Variants in GDAP1 observed in about 807,000 individuals in gnomAD.
The protein encoded by GDAP1 is ganglioside-induced differentiation-associated protein 1.
A neutral mutation model predicts 40.1 loss-of-function variants in GDAP1; 34 were observed. The observed-to-expected ratio is 0.85, with a 90% CI of 0.64 to 1.13. The LOEUF (loss-of-function observed/expected upper bound fraction) is 1.13, where lower values mean the gene tolerates loss of function less well. Ranked by LOEUF, GDAP1 falls within the 50% of genes most tolerant of loss-of-function variation. GDAP1 has a pLI of 0.00. For missense variants in GDAP1, 374 were observed against 433.7 expected (o/e 0.86, Z 1.22); for synonymous variants, 170 against 157.4 (o/e 1.08, Z -0.60).
intron 2 of GDAP1, among the ~76,000 whole-genome samples, chr8:74,421,917 G>A (rs941318697): frequency 4.6e-5 from 7 of 151,992 alleles, no homozygotes; most frequent in Non-Finnish European, 1.0e-4. Flanking sequence ...CAGCATTTTT[G>A]TTTTTATTAT....
At chr8:74,362,421 A>C (rs1488169115) in intron 4 of GDAP1, among the ~76,000 whole-genome samples, 1 of 151,996 alleles carries the variant, frequency 6.6e-6, no homozygotes, top group Non-Finnish European at 1.5e-5. Flanking sequence ...CTCATATTAA[A>C]AGTGTAGAAA....
At chr8:74,406,864 A>G (rs1162038634) in intron 2 of GDAP1, among the ~76,000 whole-genome samples, 2 of 149,918 alleles carry the variant, frequency 1.3e-5, no homozygotes, top group African/African-American at 5.1e-5. Flanking sequence ...TTCCAAAGCT[A>G]GAGGAGGGCT....
intron 2 of GDAP1, among the ~76,000 whole-genome samples, chr8:74,357,427 T>C (rs1809154833): frequency 1.3e-5 from 2 of 152,234 alleles, no homozygotes; most frequent in South Asian, 4.2e-4. Context: ...TACTCAGCAT[T>C]ACAGGGACTT....
At chr8:74,472,283 C>A (rs1254498669) in intron 2 of GDAP1, among the ~76,000 whole-genome samples, 9 of 152,218 alleles carry the variant, frequency 5.9e-5, no homozygotes, top group African/African-American at 1.9e-4. Context: ...CTTTTTATGA[C>A]TGCATAGTAT....
chr8:74,359,959 CT>C (rs1399978644), intron 2 of GDAP1, among the ~76,000 whole-genome samples, 177 bp from the exon 3 acceptor site: 1 of 142,828 alleles, frequency 7.0e-6, no homozygotes, highest in Non-Finnish European at 1.5e-5. Flanking sequence ...GGGATCTTGT[CT>C]GGTGCATCAG....
Position 74,428,870 on chromosome 8 carries a change from C to T in GDAP1, c.166-59808C>T, listed in dbSNP as rs147206484. Among the ~76,000 whole-genome samples the T allele has an allele frequency of 6.6e-3, 943 of 142,626 alleles. 20 individuals are homozygous for T. The highest frequency in any genetic ancestry group is 0.024 in the African/African-American group (904 of 37,730). The allele number at this position is 142,626 out of a possible 152,430, so 93.6% of individuals were successfully genotyped here. On this transcript the variant is annotated intron_variant, in intron 2 of 2. Transcript: ENST00000523640. ...TAATGCTATCCCTCCCCGCCTCCCC[C>T]GACCCCACAACAGGCCCCGGTGTGT...
chr8:74,451,923 CTTAAT>C (rs543598612), intron 2 of GDAP1, among the ~76,000 whole-genome samples: 11,017 of 54,588 alleles, frequency 0.2, 4,126 homozygotes, highest in Middle Eastern at 0.35. Context: ...TCTTTATTTT[CTTAAT>C]TTAATTTAAT....
Position 74,366,689 on chromosome 8 carries a change from G to A in GDAP1, c.*2322G>A, listed in dbSNP as rs1279164371. The A allele has an allele frequency of 2.2e-6, 1 of 452,752 alleles. No homozygotes were observed. Among genetic ancestry groups the A allele is most frequent in the Non-Finnish European group, 4.4e-6 (1 of 226,126 alleles). The allele number at this position is 452,752 out of a possible 1,614,324, so 28.0% of individuals were successfully genotyped here. On this transcript the variant is annotated 3_prime_UTR_variant, in exon 6 of 6. Coordinates refer to ENST00000220822, the MANE Select transcript of GDAP1 (RefSeq NM_018972.4). ...CATAAATACTATTGTTATTGCAGCAGATGCCTTTTGAATCCATTTTCCATA... is the reference window on the plus strand; with the variant it reads ...CATAAATACTATTGTTATTGCAGCAAATGCCTTTTGAATCCATTTTCCATA...
chr8:74,470,300 C>T (rs1450199452), intron 2 of GDAP1, among the ~76,000 whole-genome samples: 11 of 152,126 alleles, frequency 7.2e-5, no homozygotes, highest in Admixed American at 2.6e-4. Context: ...ATGTGCACAA[C>T]GTGCAGGTTG....
intron 2 of GDAP1, among the ~76,000 whole-genome samples, chr8:74,399,483 A>T: frequency 6.8e-6 from 1 of 147,282 alleles, no homozygotes; most frequent in African/African-American, 2.7e-5. Flanking sequence ...AATTTTGTTG[A>T]TCCTTTCAAA....
rs568698577 is a variant in GDAP1, at chr8:74,392,346, A to G, written c.165+41025A>G. 3.9e-5 allele frequency among the ~76,000 whole-genome samples: 6 copies of G among 152,304 alleles called. No individual in the cohort carries two copies. The East Asian group carries it at 1.2e-3, about 29-fold the overall frequency. The stretch of plus-strand genomic sequence containing the variant: ...CATCTTAGTTTGGGATTTTAGCAAG[A>G]ACTATAACAATTTTTGATGTCAATA... On this transcript the variant is annotated intron_variant, in intron 2 of 2. Transcript: ENST00000523640.
Position 74,382,214 on chromosome 8 carries a change from G to C in GDAP1, c.165+30893G>C, listed in dbSNP as rs112955753. On this transcript the variant is annotated intron_variant, in intron 2 of 2. Coordinates refer to the GDAP1 transcript ENST00000523640. ...AAATTGGCTCCTGAGTTCTTTTCTT[G>C]TGCTCATGATATAATTTGATAGCTT... 4.9e-3 allele frequency among the ~76,000 whole-genome samples: 741 copies of C among 152,050 alleles called. 7 individuals carry two copies. The highest frequency in any genetic ancestry group is 0.016 in the African/African-American group (647 of 41,480).
At chr8:74,443,988 A>T (rs991675559) in intron 2 of GDAP1, among the ~76,000 whole-genome samples, 2 of 133,690 alleles carry the variant, frequency 1.5e-5, no homozygotes, top group African/African-American at 2.7e-5. Flanking sequence ...CTGTCTATCT[A>T]TCTATCTATC....
rs1321640093 is a variant in GDAP1 at position 74,364,392 on chromosome 8, G to C, written c.*25G>C. ...GGTTTGTTGGGATCTTGTCGTGGCA[G>C]CTCATCCAAGCATTTAGCTAGACCC... is the stretch of plus-strand genomic sequence containing the variant. On this transcript the variant is annotated 3_prime_UTR_variant, in exon 6 of 6. Transcript: ENST00000220822. The C allele has an allele frequency of 1.2e-6, 2 of 1,606,792 alleles. No homozygotes were observed. The highest frequency in any genetic ancestry group is 2.7e-5 in the African/African-American group (2 of 74,888).
chr8:74,396,229 A>C (rs945370943), intron 2 of GDAP1, among the ~76,000 whole-genome samples: 4 of 152,092 alleles, frequency 2.6e-5, no homozygotes, highest in Non-Finnish European at 5.9e-5. Context: ...TAACATCAGA[A>C]AAATGTTTTT....
chr8:74,425,554 G>A (rs185673777), intron 2 of GDAP1, among the ~76,000 whole-genome samples: 1 of 152,320 alleles, frequency 6.6e-6, no homozygotes, highest in Non-Finnish European at 1.5e-5. Flanking sequence ...AAAAGACTGG[G>A]AGGAAGCGGG....
intron 2 of GDAP1, among the ~76,000 whole-genome samples, chr8:74,413,395 C>T (rs1413575861): frequency 2.0e-5 from 3 of 149,946 alleles, no homozygotes; most frequent in Non-Finnish European, 4.4e-5. Flanking sequence ...CCAACACAGC[C>T]CAGCCCCAAA....
intron 2 of GDAP1, among the ~76,000 whole-genome samples, chr8:74,475,901 A>G (rs540984278): frequency 1.3e-5 from 2 of 152,194 alleles, no homozygotes; most frequent in African/African-American, 4.8e-5. Context: ...TCTCATTATT[A>G]TTGTGTGGGA....
intron 2 of GDAP1, among the ~76,000 whole-genome samples, chr8:74,374,228 T>C (rs570382301): frequency 6.6e-6 from 1 of 152,272 alleles, no homozygotes; most frequent in African/African-American, 2.4e-5. Flanking sequence ...CTTTTTTTGT[T>C]GTGTCTCTGC....
Sources: gnomAD v4.1 joint callset for allele counts (sites outside exome capture counted in the v4.1 genomes callset) on GRCh38, gnomAD v4.1.1 for gene constraint, MANE v1.5 for transcripts, NCBI Gene and HGNC (gene_info 2026-07-23, HGNC 2026-07-21) for gene names.